TUBE1: variants seen among roughly 807,000 people sequenced by gnomAD.
TUBE1 encodes the protein tubulin epsilon 1.
TUBE1 carries 34 observed loss-of-function variants against 53.5 expected under a neutral mutation model. The observed-to-expected ratio is 0.64, with a 90% CI of 0.48 to 0.85. TUBE1 has a LOEUF of 0.85. Ranked by LOEUF, TUBE1 falls within the 40% of genes least tolerant of loss-of-function variation. TUBE1 has a pLI of 0.00. For synonymous variants in TUBE1, 177 were observed against 198.4 expected (o/e 0.89, Z 0.91); for missense variants, 532 against 570.5 (o/e 0.93, Z 0.69).
At chr6:112,084,766 C>T (rs760833052) in intron 3 of TUBE1, among the ~76,000 whole-genome samples, 3 of 152,208 alleles carry the variant, frequency 2.0e-5, no homozygotes, top group Non-Finnish European at 2.9e-5. Flanking sequence ...CTGCCTCAGC[C>T]ACCATTAATG....
At chr6:112,072,451 T>C (rs1258723809) in intron 10 of TUBE1, among the ~76,000 whole-genome samples, 5 of 152,092 alleles carry the variant, frequency 3.3e-5, no homozygotes, top group African/African-American at 1.2e-4. Context: ...TCAGAAGTAG[T>C]AGTAGTACTA....
At chr6:112,073,288 C>T (rs1776901112) in intron 9 of TUBE1, among the ~76,000 whole-genome samples, 1 of 151,888 alleles carries the variant, frequency 6.6e-6, no homozygotes, top group Admixed American at 6.6e-5. Flanking sequence ...TAATTAAAAG[C>T]CTAGAACATT....
Position 112,071,540 on chromosome 6 carries a change from C to A in TUBE1, c.1300G>T (p.Gly434Trp). The A allele has an allele frequency of 6.2e-7, 1 of 1,611,148 alleles. No homozygotes were observed. Among genetic ancestry groups the A allele is most frequent in the Non-Finnish European group, 8.5e-7 (1 of 1,178,360 alleles). The change falls in exon 12 of 12, where the codon GGG (glycine) becomes TGG (tryptophan). Residue 434 changes from glycine to tryptophan, a missense_variant. Physicochemically the swap from Gly to Trp is radical, Grantham distance 184. Transcript: ENST00000368662. ...AHLHHYLQVE[G>W]MEESCFTEAV... ...TCTGTGAAACAGCTTTCTTCCATCCCTTCAACTTGTAGATAGTGATGAAGG... is the reference window on the plus strand; with the variant it reads ...TCTGTGAAACAGCTTTCTTCCATCCATTCAACTTGTAGATAGTGATGAAGG...
rs1777175939 is a variant in TUBE1, at chr6:112,087,173, T to G, written c.99+60A>C. The G allele has an allele frequency of 2.8e-6, 4 of 1,422,116 alleles. No individual in the cohort carries two copies. The South Asian group carries it at 3.8e-5, about 13-fold the overall frequency. The allele number at this position is 1,422,116 out of a possible 1,614,324, so 88.1% of individuals were successfully genotyped here. ...ATGAAAGCTCAAGTCGATTATTTCCTGCGTATGGGCTGGAAGACCTAGCTG... is the reference window on the plus strand; with the variant it reads ...ATGAAAGCTCAAGTCGATTATTTCCGGCGTATGGGCTGGAAGACCTAGCTG... On this transcript the variant is annotated intron_variant, in intron 2 of 11. Transcript: ENST00000368662.
intron 5 of TUBE1, among the ~76,000 whole-genome samples, chr6:112,080,102 A>G (rs1484190732): frequency 6.6e-6 from 1 of 152,080 alleles, no homozygotes; most frequent in Non-Finnish European, 1.5e-5. Flanking sequence ...CATTTAAGGC[A>G]AACTCTGAAT....
chr6:112,073,419 A>G (rs1489149626), intron 9 of TUBE1, among the ~76,000 whole-genome samples: 1 of 152,216 alleles, frequency 6.6e-6, no homozygotes, highest in East Asian at 1.9e-4. Flanking sequence ...TCCTAAAAGT[A>G]GAGACTTTTA....
At chr6:112,080,160 G>A (rs1445862122) in intron 5 of TUBE1, among the ~76,000 whole-genome samples, 8 of 151,792 alleles carry the variant, frequency 5.3e-5, no homozygotes, top group Non-Finnish European at 2.9e-5. Context: ...AAACTACAGA[G>A]ACACTGAAAA....
chr6:112,079,625 A>C lies in TUBE1; in HGVS notation c.448+8T>G. The C allele has an allele frequency of 1.9e-6, 3 of 1,610,978 alleles. No homozygotes were observed. The highest frequency in any genetic ancestry group is 2.5e-6 in the Non-Finnish European group (3 of 1,178,608). On this transcript the variant is annotated splice_region_variant and intron_variant, in intron 6 of 11. Coordinates refer to ENST00000368662, the MANE Select transcript of TUBE1 (RefSeq NM_016262.5). ...CACTGTTACAGGCAAATGAGTGAAAAATTTTACCTCCTCCCATGGAATGTA... is the reference window on the plus strand; with the variant it reads ...CACTGTTACAGGCAAATGAGTGAAACATTTTACCTCCTCCCATGGAATGTA...
At chr6:112,075,830 C>A in intron 8 of TUBE1, 107 bp downstream of exon 8, 1 of 1,041,096 alleles carries the variant, frequency 9.6e-7, no homozygotes, top group Non-Finnish European at 1.4e-6. Flanking sequence ...AAAATAAAAA[C>A]AGAAGCAGCT....
At position 112,087,423 on chromosome 6, in the gene TUBE1, C is replaced by T. The variant is rs200357896; in HGVS notation, c.12G>A (p.Ser4=). MTQ[S]VVVQVGQCGN... ...GGCGTAGCTTACCCTGTACGACCAC[C>T]GACTGGGTCATGGTGGTGCGCCGCC... The change falls in exon 1 of 12, where the codon TCG becomes TCA. Residue 4 remains serine (S), a synonymous_variant. Coordinates refer to ENST00000368662, the MANE Select transcript of TUBE1 (RefSeq NM_016262.5). The T allele has an allele frequency of 2.7e-5, 42 of 1,551,354 alleles. No individual in the cohort carries two copies. The East Asian group carries it at 9.3e-4, about 34-fold the overall frequency.
chr6:112,081,439 C>T (rs1554316749), intron 4 of TUBE1, among the ~76,000 whole-genome samples: 1 of 152,036 alleles, frequency 6.6e-6, no homozygotes, highest in Non-Finnish European at 1.5e-5. Flanking sequence ...TCCAAAATGC[C>T]TAGTTGGGGG....
chr6:112,071,163 T>C lies in TUBE1; in HGVS notation c.*249A>G. 1 of 344,008 alleles carries C rather than the reference T, an allele frequency of 2.9e-6. No homozygotes were observed. The highest frequency in any genetic ancestry group is 5.2e-6 in the Non-Finnish European group (1 of 190,750). The allele number at this position is 344,008 out of a possible 1,614,324, so 21.3% of individuals were successfully genotyped here. On this transcript the variant is annotated 3_prime_UTR_variant, in exon 12 of 12. Coordinates refer to ENST00000368662, the MANE Select transcript of TUBE1 (RefSeq NM_016262.5). The stretch of plus-strand genomic sequence containing the variant: ...TAAATACAGCAAAATATTCAAGAAC[T>C]ATGTTATCTCAATTTTAGAAAAGGG...
At chr6:112,084,461 C>A (rs1388910561) in intron 3 of TUBE1, among the ~76,000 whole-genome samples, 2 of 152,270 alleles carry the variant, frequency 1.3e-5, no homozygotes, top group Non-Finnish European at 2.9e-5. Flanking sequence ...GTAGTTAGGG[C>A]TGGCCATGTA....
At chr6:112,083,885 A>G in intron 4 of TUBE1, 1 of 220,608 alleles carries the variant, frequency 4.5e-6, no homozygotes, top group Non-Finnish European at 8.8e-6. Flanking sequence ...GTATCTTTAA[A>G]TAAAACATTA....
At chr6:112,081,799 GAA>G (rs66773667) in intron 4 of TUBE1, among the ~76,000 whole-genome samples, 67 of 105,586 alleles carry the variant, frequency 6.3e-4, no homozygotes, top group African/African-American at 2.1e-3. Context: ...ATTAATTATG[GAA>G]AAAAAAAAAA....
chr6:112,087,237 T>A lies in TUBE1; in HGVS notation c.95A>T (p.Asn32Ile). Residue 32 changes from asparagine (N) to isoleucine (I), a missense_variant, in exon 2 of 12, where the codon AAC (asparagine) becomes ATC (isoleucine). Coordinates refer to ENST00000368662, the MANE Select transcript of TUBE1 (RefSeq NM_016262.5). Reference sequence around the variant, plus strand: ...CTCGCGGCGGCGGGCGGGTACCTGGTTGACCGCGGCGTGCTCCCTTAGTGC... The same window carrying A: ...CTCGCGGCGGCGGGCGGGTACCTGGATGACCGCGGCGTGCTCCCTTAGTGC... ...DLALREHAAV[N>I]QKGIYDEAIS... The A allele has an allele frequency of 6.4e-7, 1 of 1,550,796 alleles. No individual in the cohort carries two copies. Among genetic ancestry groups the A allele is most frequent in the Non-Finnish European group, 8.7e-7 (1 of 1,146,822 alleles).
In TUBE1 at chr6:112,075,817, G is replaced by A. The variant is rs966243250; in HGVS notation, c.812+120C>T. ...GTGATCACTCCAAGAAAAGATAGAA[G>A]ACAAAATAAAAACAGAAGCAGCTTC... On this transcript the variant is annotated intron_variant, in intron 8 of 11. Transcript: ENST00000368662. 10 of 933,632 alleles carry A rather than the reference G, an allele frequency of 1.1e-5. No homozygotes were observed. In the African/African-American group the frequency reaches 1.5e-4, roughly 14 times the overall value. 57.8% of individuals were successfully genotyped at this position (933,632 alleles called of 1,614,324 possible).
rs971633602 is a variant in TUBE1, at chr6:112,071,309, G to A, written c.*103C>T. ...ACTCTTTTAGACAAAAATATTTCCCGATAATATGAAAAAACTGGAGTTTCC... is the reference window on the plus strand; with the variant it reads ...ACTCTTTTAGACAAAAATATTTCCCAATAATATGAAAAAACTGGAGTTTCC... On this transcript the variant is annotated 3_prime_UTR_variant, in exon 12 of 12. Coordinates refer to ENST00000368662, the MANE Select transcript of TUBE1 (RefSeq NM_016262.5). The A allele has an allele frequency of 5.3e-6, 6 of 1,142,766 alleles. No individual in the cohort carries two copies. The highest frequency in any genetic ancestry group is 5.9e-6 in the Non-Finnish European group (5 of 853,028). The allele number at this position is 1,142,766 out of a possible 1,614,324, so 70.8% of individuals were successfully genotyped here.
chr6:112,084,289 G>A (rs781856992), intron 3 of TUBE1, 43 bp from the exon 4 acceptor site: 32 of 1,479,742 alleles, frequency 2.2e-5, no homozygotes, highest in Admixed American at 8.5e-5. Flanking sequence ...GATCTTCCAT[G>A]GCTAATAGCA....
Sources: allele counts gnomAD v4.1 joint callset (sites outside exome capture counted in the v4.1 genomes callset), GRCh38; gene constraint gnomAD v4.1.1; transcripts MANE v1.5; gene names NCBI Gene and HGNC (gene_info 2026-07-23, HGNC 2026-07-21).